The following KIF13B variants were observed in gnomAD, a reference collection of about 807,000 sequenced individuals.
The protein encoded by KIF13B is kinesin-like protein KIF13B.
A neutral mutation model predicts 222.0 loss-of-function variants in KIF13B; 127 were observed. The ratio of observed to expected loss-of-function variants is 0.57; its 90% CI spans 0.50 to 0.66. The LOEUF is 0.66. Among genes scored for constraint, KIF13B ranks in the 30% least tolerant of loss-of-function variants. KIF13B has a pLI of 0.00. For missense variants in KIF13B, 2,173 were observed against 2,379.0 expected (o/e 0.91, Z 1.80); for synonymous variants, 976 against 919.0 (o/e 1.06, Z -1.12).
At chr8:29,182,338 T>C (rs1457541056) in intron 6 of KIF13B, among the ~76,000 whole-genome samples, 1 of 152,210 alleles carries the variant, frequency 6.6e-6, no homozygotes, top group Non-Finnish European at 1.5e-5. Context: ...AAATGTTAAC[T>C]GTGCGAGAAA....
chr8:29,075,253 G>C, intron 38 of KIF13B, 28 bp downstream of exon 38: 1 of 1,548,732 alleles, frequency 6.5e-7, no homozygotes, highest in East Asian at 2.4e-5. Context: ...TGTAGGTGGG[G>C]TGGCCACCCG....
intron 3 of KIF13B, among the ~76,000 whole-genome samples, chr8:29,191,639 C>A (rs1470651741): frequency 1.3e-5 from 2 of 152,162 alleles, no homozygotes; most frequent in Non-Finnish European, 2.9e-5. Context: ...AAAGCAGGAA[C>A]AATCTGTATT....
intron 24 of KIF13B, among the ~76,000 whole-genome samples, chr8:29,129,533 T>C (rs1362186784): frequency 6.6e-6 from 1 of 152,250 alleles, no homozygotes; most frequent in Non-Finnish European, 1.5e-5. Context: ...TCTATTTTGC[T>C]TTGAATGCTT....
chr8:29,188,778 A>C (rs960480631), intron 4 of KIF13B, among the ~76,000 whole-genome samples, 171 bp from the exon 5 acceptor site: 2 of 152,232 alleles, frequency 1.3e-5, no homozygotes, highest in African/African-American at 4.8e-5. Flanking sequence ...GGTTATTTCT[A>C]GTTAGCACAT....
intron 13 of KIF13B, among the ~76,000 whole-genome samples, chr8:29,160,036 G>A (rs895554934): frequency 4.7e-5 from 7 of 148,358 alleles, no homozygotes; most frequent in African/African-American, 1.8e-4. Context: ...CATCATATAT[G>A]ATAAGTAATT....
At chr8:29,158,715 T>C (rs893099921) in intron 13 of KIF13B, among the ~76,000 whole-genome samples, 2 of 152,216 alleles carry the variant, frequency 1.3e-5, no homozygotes, top group Non-Finnish European at 1.5e-5. Context: ...CTTGAAGATA[T>C]GCTTGCTGTG....
At chr8:29,170,623 G>A (rs935986462) in intron 10 of KIF13B, among the ~76,000 whole-genome samples, 1 of 152,128 alleles carries the variant, frequency 6.6e-6, no homozygotes, top group South Asian at 2.1e-4. Flanking sequence ...AGATGGGAGG[G>A]GAAAGCATGT....
intron 3 of KIF13B, among the ~76,000 whole-genome samples, chr8:29,191,726 T>C (rs1281602892): frequency 1.3e-5 from 2 of 152,232 alleles, no homozygotes; most frequent in Non-Finnish European, 2.9e-5. Context: ...GAATATCACA[T>C]AGTTCTTTTG....
In KIF13B at chr8:29,116,978, C is replaced by T. The variant is rs747315800; in HGVS notation, c.3690G>A (p.Ala1230=). The T allele has an allele frequency of 1.6e-5, 26 of 1,599,428 alleles. No individual in the cohort carries two copies. Among genetic ancestry groups the T allele is most frequent in the African/African-American group, 1.5e-4 (11 of 74,460 alleles). Residue 1230 remains alanine (A), a synonymous_variant, in exon 31 of 40, where the codon GCG becomes GCA. Transcript: ENST00000524189. ...EVKAEASWDS[A]VHGCPQLSRG... is the part of the protein sequence containing the mutation. Reference sequence around the variant, plus strand: ...TGCTGAGCTGAGGGCAGCCATGCACCGCGGAGTCCCAGGAGGCTTCTGCTT... The same window carrying T: ...TGCTGAGCTGAGGGCAGCCATGCACTGCGGAGTCCCAGGAGGCTTCTGCTT...
At chr8:29,257,057 C>T (rs1364855775) in intron 1 of KIF13B, among the ~76,000 whole-genome samples, 4 of 152,190 alleles carry the variant, frequency 2.6e-5, no homozygotes, top group African/African-American at 7.2e-5. Flanking sequence ...ACCTGGCCTA[C>T]AATTCCTTTT....
intron 13 of KIF13B, among the ~76,000 whole-genome samples, chr8:29,157,045 GCCC>G (rs1354274589): frequency 6.6e-6 from 1 of 151,816 alleles, no homozygotes; most frequent in Admixed American, 6.6e-5. Context: ...TCTCTTACAA[GCCC>G]ATACCCACCC....
At chr8:29,091,898 A>G (rs1010145466) in intron 37 of KIF13B, among the ~76,000 whole-genome samples, 1 of 152,236 alleles carries the variant, frequency 6.6e-6, no homozygotes, top group Non-Finnish European at 1.5e-5. Flanking sequence ...ATTTTTAAAA[A>G]TTACATATCT....
chr8:29,160,286 A>G (rs1429635176), intron 13 of KIF13B, among the ~76,000 whole-genome samples: 1 of 152,214 alleles, frequency 6.6e-6, no homozygotes, highest in East Asian at 1.9e-4. Context: ...AATTTTTCCT[A>G]AGAGTTACTG....
At chr8:29,082,515 T>G (rs2133507993) in intron 37 of KIF13B, among the ~76,000 whole-genome samples, 2 of 152,100 alleles carry the variant, frequency 1.3e-5, no homozygotes, top group Middle Eastern at 3.4e-3. Flanking sequence ...GGTAGCACAC[T>G]CCTGTGGTCC....
In KIF13B at chr8:29,257,965, C is replaced by T. The variant is rs147969929; in HGVS notation, c.55+5015G>A. Among the ~76,000 whole-genome samples the T allele has an allele frequency of 7.2e-4, 109 of 152,312 alleles. 1 individual carries two copies. The highest frequency in any genetic ancestry group is 1.4e-3 in the Non-Finnish European group (97 of 68,024). On this transcript the variant is annotated intron_variant, in intron 1 of 39. Coordinates refer to ENST00000524189, the MANE Select transcript of KIF13B (RefSeq NM_015254.4). Reference sequence around the variant, plus strand: ...TCAGTCACTGAGTTGACAGTAGAAACAAAACAATGTTGTAATACATGTGTG... The same window carrying T: ...TCAGTCACTGAGTTGACAGTAGAAATAAAACAATGTTGTAATACATGTGTG...
chr8:29,163,770 A>G (rs1811880590), intron 12 of KIF13B, among the ~76,000 whole-genome samples: 1 of 152,212 alleles, frequency 6.6e-6, no homozygotes, highest in Non-Finnish European at 1.5e-5. Context: ...CTGAGAGAGG[A>G]AAAGAAAAGG....
chr8:29,209,679 T>C (rs1315847130), intron 2 of KIF13B, among the ~76,000 whole-genome samples: 1 of 152,102 alleles, frequency 6.6e-6, no homozygotes, highest in Admixed American at 6.6e-5. Flanking sequence ...GCACAAGCTT[T>C]GGACATACAA....
chr8:29,144,872 C>T (rs886087329), intron 18 of KIF13B, among the ~76,000 whole-genome samples: 4 of 152,310 alleles, frequency 2.6e-5, no homozygotes, highest in South Asian at 2.1e-4. Flanking sequence ...AGATGCCAGG[C>T]GACATGAGTT....
intron 2 of KIF13B, among the ~76,000 whole-genome samples, chr8:29,213,660 G>C (rs1431819610): frequency 6.6e-6 from 1 of 152,120 alleles, no homozygotes; most frequent in Non-Finnish European, 1.5e-5. Flanking sequence ...TCTAAACATA[G>C]AAAAGGGGCC....
Sources: gnomAD v4.1 joint callset for allele counts (sites outside exome capture counted in the v4.1 genomes callset) on GRCh38, gnomAD v4.1.1 for gene constraint, MANE v1.5 for transcripts, NCBI Gene and HGNC (gene_info 2026-07-23, HGNC 2026-07-21) for gene names.